The following LRP1B variants were observed in gnomAD, a reference collection of about 807,000 sequenced individuals.
LRP1B encodes LDL receptor related protein 1B.
Under a neutral mutation model 556.6 loss-of-function variants are expected in LRP1B, and 217 were observed. The ratio of observed to expected loss-of-function variants is 0.39; its 90% CI spans 0.35 to 0.44. The LOEUF (loss-of-function observed/expected upper bound fraction) is 0.44. LRP1B is among the 20% of genes least tolerant of loss of function. The pLI is 1.00. For synonymous variants in LRP1B, 2,047 were observed against 1,865.8 expected, an observed-to-expected ratio of 1.10 and a Z score of -2.50; for missense variants, 5,053 against 5,620.8, an observed-to-expected ratio of 0.90 and a Z score of 3.23.
chr2:141,328,542 A>G lies in LRP1B; in HGVS notation c.344-73901T>C, dbSNP rs188979315. 2.1e-4 allele frequency among the ~76,000 whole-genome samples: 32 copies of G among 152,328 alleles called. 1 individual carries two copies. In the East Asian group the frequency reaches 3.5e-3, roughly 17 times the overall value. ...GACCCAAGATATAACTTCAGGGAAGAGTGGCAGTTTCCAGTTAGGACTCAA... is the reference window on the plus strand; with the variant it reads ...GACCCAAGATATAACTTCAGGGAAGGGTGGCAGTTTCCAGTTAGGACTCAA... On this transcript the variant is annotated intron_variant, in intron 3 of 90. Coordinates refer to ENST00000389484, the MANE Select transcript of LRP1B (RefSeq NM_018557.3).
intron 2 of LRP1B, among the ~76,000 whole-genome samples, chr2:141,679,209 C>A (rs533303580): frequency 2.0e-5 from 3 of 152,144 alleles, no homozygotes; most frequent in South Asian, 2.1e-4. Context: ...TGAATCTCCC[C>A]CAACAGAACC....
At chr2:141,266,096 A>G (rs559943181) in intron 3 of LRP1B, among the ~76,000 whole-genome samples, 1 of 152,222 alleles carries the variant, frequency 6.6e-6, no homozygotes, top group East Asian at 1.9e-4. Context: ...AGGCCGAGGC[A>G]GGCAGATCAC....
At chr2:141,071,201 A>G (rs1228474016) in intron 7 of LRP1B, among the ~76,000 whole-genome samples, 1 of 149,694 alleles carries the variant, frequency 6.7e-6, no homozygotes, top group Non-Finnish European at 1.5e-5. Context: ...CTGGTTCAAT[A>G]TACGCAAATC....
At chr2:140,837,122 T>C (rs973435371) in intron 31 of LRP1B, among the ~76,000 whole-genome samples, 1 of 152,220 alleles carries the variant, frequency 6.6e-6, no homozygotes, top group African/African-American at 2.4e-5. Context: ...CCGCTATTAC[T>C]GACAGTTTCT....
chr2:141,076,638 T>C (rs1699793409), intron 7 of LRP1B, among the ~76,000 whole-genome samples: 1 of 152,192 alleles, frequency 6.6e-6, no homozygotes, highest in South Asian at 2.1e-4. Flanking sequence ...CACTAAGTTA[T>C]TTACTGTAAC....
chr2:140,623,956 GTATATA>G (rs3060390), intron 41 of LRP1B, among the ~76,000 whole-genome samples: 15 of 106,434 alleles, frequency 1.4e-4, no homozygotes, highest in Admixed American at 2.1e-4. Flanking sequence ...TTTTATTTAT[GTATATA>G]TATATATATA....
chr2:141,705,174 T>C (rs1692091973), intron 2 of LRP1B, among the ~76,000 whole-genome samples: 1 of 151,992 alleles, frequency 6.6e-6, no homozygotes, highest in Non-Finnish European at 1.5e-5. Context: ...GTAGTTTGAC[T>C]CTGGAACCAC....
At chr2:141,329,259 G>C (rs919202507) in intron 3 of LRP1B, among the ~76,000 whole-genome samples, 5 of 151,386 alleles carry the variant, frequency 3.3e-5, no homozygotes, top group African/African-American at 9.7e-5. Context: ...ATGGTGGCAG[G>C]CTCCTGTAAT....
At chr2:141,668,058 T>C (rs1339343584) in intron 2 of LRP1B, among the ~76,000 whole-genome samples, 3 of 152,236 alleles carry the variant, frequency 2.0e-5, no homozygotes, top group African/African-American at 4.8e-5. Context: ...CTATGAAGCA[T>C]GGCACCCATT....
At chr2:140,927,826 C>A (rs1478084837) in intron 20 of LRP1B, among the ~76,000 whole-genome samples, 2 of 151,420 alleles carry the variant, frequency 1.3e-5, no homozygotes, top group Non-Finnish European at 1.5e-5. Context: ...CCTGTCTCAG[C>A]CTCCCCAGAA....
chr2:141,974,751 C>G (rs547704262), intron 1 of LRP1B, among the ~76,000 whole-genome samples: 57 of 152,158 alleles, frequency 3.7e-4, no homozygotes, highest in African/African-American at 1.3e-3. Flanking sequence ...AGACAACTAG[C>G]CTGACAACTA....
At chr2:140,241,554 CT>C (rs1680949074) in intron 87 of LRP1B, among the ~76,000 whole-genome samples, 1 of 150,704 alleles carries the variant, frequency 6.6e-6, no homozygotes, top group Admixed American at 6.6e-5. Flanking sequence ...TAAAAGGTTT[CT>C]TTTTTTCCCT....
At chr2:141,840,257 CTTTTTTT>C (rs565362139) in intron 1 of LRP1B, among the ~76,000 whole-genome samples, 953 of 84,256 alleles carry the variant, frequency 0.011, 17 homozygotes, top group African/African-American at 0.042. Flanking sequence ...AACAAATTTC[CTTTTTTT>C]TTTTTTTTTT....
At chr2:141,406,575 T>A (rs1038451503) in intron 3 of LRP1B, among the ~76,000 whole-genome samples, 4 of 151,866 alleles carry the variant, frequency 2.6e-5, no homozygotes, top group African/African-American at 9.7e-5. Context: ...TCTATCTATC[T>A]ATCTATCTAT....
chr2:140,326,043 C>T lies in LRP1B; in HGVS notation c.12224-165G>A, dbSNP rs529973964. On this transcript the variant is annotated intron_variant, in intron 79 of 90. Transcript: ENST00000389484. ...ACTGTAGAAATTAGAAAAAGTAACT[C>T]AGTCTTTATCTCAAATACATAGGTT... is the stretch of plus-strand genomic sequence containing the variant. Among the ~76,000 whole-genome samples the T allele has an allele frequency of 2.0e-5, 3 of 152,220 alleles. No individual in the cohort carries two copies. The East Asian group carries it at 5.8e-4, about 30-fold the overall frequency.
At chr2:140,741,408 TC>T (rs143587720) in intron 35 of LRP1B, among the ~76,000 whole-genome samples, 3,243 of 152,194 alleles carry the variant, frequency 0.021, 96 homozygotes, top group African/African-American at 0.072. Context: ...CCAACATGAC[TC>T]TGAAGATGAC....
chr2:140,967,130 A>T (rs1245946506), intron 18 of LRP1B, among the ~76,000 whole-genome samples: 3 of 152,080 alleles, frequency 2.0e-5, no homozygotes, highest in Admixed American at 1.3e-4. Context: ...AAATTACCTC[A>T]GGCAGTATGG....
At chr2:141,209,790 T>C (rs1191847436) in intron 6 of LRP1B, among the ~76,000 whole-genome samples, 1 of 152,068 alleles carries the variant, frequency 6.6e-6, no homozygotes, top group African/African-American at 2.4e-5. Flanking sequence ...GAGACAAATA[T>C]TGCCCTCAAA....
chr2:140,886,079 C>A, intron 24 of LRP1B, 59 bp downstream of exon 24: 1 of 1,085,362 alleles, frequency 9.2e-7, no homozygotes, highest in South Asian at 1.6e-5. Flanking sequence ...ATAACGTGTT[C>A]TTTGAATTTT....
Sources: allele counts gnomAD v4.1 joint callset (sites outside exome capture counted in the v4.1 genomes callset), GRCh38; gene constraint gnomAD v4.1.1; transcripts MANE v1.5; gene names NCBI Gene and HGNC (gene_info 2026-07-23, HGNC 2026-07-21).